Variants in HACE1 observed in about 807,000 individuals in gnomAD.
The protein encoded by HACE1 is E3 ubiquitin-protein ligase HACE1.
In HACE1, 73 loss-of-function variants were observed where a neutral mutation model predicts 118.4. The observed-to-expected ratio is 0.62, with a 90% CI of 0.51 to 0.75. The LOEUF is 0.75. Among genes scored for constraint, HACE1 ranks in the 30% least tolerant of loss-of-function variants. The pLI is 0.00. For synonymous variants in HACE1, 368 were observed against 374.8 expected (o/e 0.98, Z 0.21); for missense variants, 749 against 1,102.2 (o/e 0.68, Z 4.54).
chr6:104,843,410 T>A, intron 4 of HACE1, 112 bp from the exon 5 acceptor site: 1 of 730,146 alleles, frequency 1.4e-6, no homozygotes, highest in Non-Finnish European at 2.5e-6. Flanking sequence ...CATCATAACA[T>A]CTTTATCTGT....
At chr6:104,803,642 A>G (rs1770653657) in intron 7 of HACE1, among the ~76,000 whole-genome samples, 1 of 152,230 alleles carries the variant, frequency 6.6e-6, no homozygotes, top group African/African-American at 2.4e-5. Flanking sequence ...GATGCAGAAA[A>G]GGCCTTCGAC....
intron 22 of HACE1, chr6:104,730,647 C>T (rs890882051): frequency 6.0e-6 from 3 of 500,580 alleles, no homozygotes; most frequent in African/African-American, 5.8e-5. Context: ...ATGCTTGCAA[C>T]TGGCCACAGC....
chr6:104,770,845 C>T (rs1391593111), intron 19 of HACE1, among the ~76,000 whole-genome samples: 1 of 152,296 alleles, frequency 6.6e-6, no homozygotes, highest in East Asian at 1.9e-4. Flanking sequence ...TATTAGAATT[C>T]TTTAATATTA....
chr6:104,789,532 C>T (rs1288432675), intron 11 of HACE1, among the ~76,000 whole-genome samples: 1 of 151,878 alleles, frequency 6.6e-6, no homozygotes, highest in Non-Finnish European at 1.5e-5. Flanking sequence ...AAAGGAAAAA[C>T]AGATATCCTT....
intron 22 of HACE1, chr6:104,732,153 C>A (rs1311486396): frequency 6.6e-6 from 1 of 152,092 alleles, no homozygotes; most frequent in Non-Finnish European, 1.5e-5. Flanking sequence ...GCAAGTTCCT[C>A]AACAAAATTA....
chr6:104,810,803 T>C (rs1771518888), intron 7 of HACE1, among the ~76,000 whole-genome samples: 1 of 152,010 alleles, frequency 6.6e-6, no homozygotes, highest in East Asian at 1.9e-4. Context: ...TGTATAACAA[T>C]ATCTAACAAG....
intron 1 of HACE1, among the ~76,000 whole-genome samples, chr6:104,858,735 G>A (rs1404527161): frequency 6.6e-6 from 1 of 152,108 alleles, no homozygotes; most frequent in Non-Finnish European, 1.5e-5. Flanking sequence ...TCTCTCACTT[G>A]GGCATAAAGA....
At chr6:104,744,108 A>G in intron 22 of HACE1, 52 bp downstream of exon 22, 1 of 1,055,542 alleles carries the variant, frequency 9.5e-7, no homozygotes, top group South Asian at 1.3e-5. Context: ...CTAAGCCATT[A>G]AAAGCAGAAT....
chr6:104,807,939 C>T (rs543696161), intron 7 of HACE1, among the ~76,000 whole-genome samples: 4 of 152,234 alleles, frequency 2.6e-5, no homozygotes, highest in African/African-American at 9.6e-5. Context: ...GTAATCCCAG[C>T]ACTTTGGGAG....
chr6:104,750,511 C>A (rs971240620), intron 19 of HACE1, 39 bp from the exon 20 acceptor site: 1 of 1,573,670 alleles, frequency 6.4e-7, no homozygotes, highest in African/African-American at 1.4e-5. Context: ...TTTTCAAAAA[C>A]CTTTTACATA....
chr6:104,772,131 T>C, intron 17 of HACE1, 57 bp from the exon 18 acceptor site: 1 of 973,660 alleles, frequency 1.0e-6, no homozygotes, highest in South Asian at 1.4e-5. Context: ...AGAAGAAAGA[T>C]TACTTCGATG....
At chr6:104,743,843 A>C (rs1473250798) in intron 22 of HACE1, among the ~76,000 whole-genome samples, 1 of 151,932 alleles carries the variant, frequency 6.6e-6, no homozygotes. Context: ...ATATTAAAAT[A>C]ATATACAAAT....
At chr6:104,838,890 T>TAAAAA (rs71003448) in intron 5 of HACE1, among the ~76,000 whole-genome samples, 38 of 58,858 alleles carry the variant, frequency 6.5e-4, no homozygotes, top group African/African-American at 2.3e-3. Context: ...AACTCCATAG[T>TAAAAA]AAAAAAAAAA....
chr6:104,859,276 C>T (rs1777061494), intron 1 of HACE1: 1 of 396,402 alleles, frequency 2.5e-6, no homozygotes, highest in Admixed American at 4.9e-5. Context: ...GTATTCCTGC[C>T]CCTTTGCCAA....
chr6:104,741,109 A>AG (rs1776624774), intron 22 of HACE1, among the ~76,000 whole-genome samples: 1 of 96,352 alleles, frequency 1.0e-5, no homozygotes, highest in Admixed American at 9.9e-5. Flanking sequence ...AAAATTCAAC[A>AG]ACCTTCATGC....
intron 17 of HACE1, among the ~76,000 whole-genome samples, chr6:104,775,959 C>T (rs1280483637): frequency 6.6e-6 from 1 of 152,176 alleles, no homozygotes; most frequent in Non-Finnish European, 1.5e-5. Context: ...CTGTGCAAAG[C>T]ATTTGAAAAC....
chr6:104,769,185 A>T (rs974588849), intron 19 of HACE1, among the ~76,000 whole-genome samples: 3 of 152,000 alleles, frequency 2.0e-5, no homozygotes, highest in African/African-American at 7.3e-5. Flanking sequence ...TAGCCACACA[A>T]AACTAGGCCT....
At chr6:104,817,456 C>T (rs1298992373) in intron 6 of HACE1, among the ~76,000 whole-genome samples, 1 of 152,162 alleles carries the variant, frequency 6.6e-6, no homozygotes, top group Non-Finnish European at 1.5e-5. Flanking sequence ...TAACCTTCCA[C>T]CATGATTGTA....
chr6:104,850,588 T>TA (rs1478757977), intron 3 of HACE1, among the ~76,000 whole-genome samples: 1 of 152,180 alleles, frequency 6.6e-6, no homozygotes, highest in African/African-American at 2.4e-5. Flanking sequence ...AGACAGCATA[T>TA]AAAATCTCAT....
Sources: allele counts gnomAD v4.1 joint callset (sites outside exome capture counted in the v4.1 genomes callset), GRCh38; gene constraint gnomAD v4.1.1; transcripts MANE v1.5; gene names NCBI Gene and HGNC (gene_info 2026-07-23, HGNC 2026-07-21).